CILP2: variants seen among roughly 807,000 people sequenced by gnomAD.
CILP2 encodes the protein CILP-2.
Under a neutral mutation model 45.6 loss-of-function variants are expected in CILP2, and 38 were observed. The ratio of observed to expected loss-of-function variants is 0.83; its 90% CI spans 0.64 to 1.09. The LOEUF (loss-of-function observed/expected upper bound fraction) is 1.09, where lower values mean the gene tolerates loss of function less well. Ranked by LOEUF, CILP2 falls within the 50% of genes least tolerant of loss-of-function variation. The probability of loss-of-function intolerance (pLI) is 0.00; values close to 1 mark genes in which losing one functional copy is unlikely to be tolerated. For missense variants in CILP2, 1,735 were observed against 1,662.2 expected (o/e 1.04, Z -0.76); for synonymous variants, 780 against 723.5 (o/e 1.08, Z -1.25).
chr19:19,539,817 C>T, intron 2 of CILP2, 40 bp downstream of exon 2: 1 of 1,498,986 alleles, frequency 6.7e-7, no homozygotes, highest in Non-Finnish European at 9.0e-7. Context: ...CTGCTGCGGG[C>T]TTGTTGGGGG....
Position 19,545,156 on chromosome 19 carries a change from C to G in CILP2, c.2611C>G (p.Pro871Ala). 1 of 1,612,646 alleles carries G rather than the reference C, an allele frequency of 6.2e-7. No individual in the cohort carries two copies. Among genetic ancestry groups the G allele is most frequent in the South Asian group, 1.1e-5 (1 of 91,066 alleles). The change falls in exon 8 of 8, where the codon CCC becomes GCC. Residue 871 changes from proline (P) to alanine (A), a missense_variant. Coordinates refer to ENST00000291495, the MANE Select transcript of CILP2 (RefSeq NM_153221.2). ...CCTCGCCAAGCCCAGGCCAGGTGAC[C>G]CCGCCGAGGCCAATGGGCCTGTGTA... ...INLAKPRPGDPAEANGPVYPW... is the reference protein window; with the variant it reads ...INLAKPRPGDAAEANGPVYPW...
rs374549449 is a variant in CILP2 at position 19,543,211 on chromosome 19, C to T, written c.978-37C>T. On this transcript the variant is annotated intron_variant, in intron 6 of 7. Coordinates refer to ENST00000291495, the MANE Select transcript of CILP2 (RefSeq NM_153221.2). The stretch of plus-strand genomic sequence containing the variant: ...CAGACTGGGGGCAACACAGCCCCTC[C>T]CACTGAGTCCTATGGTGTCGCTCAC... The T allele has an allele frequency of 3.8e-5, 61 of 1,596,510 alleles. No homozygotes were observed. In the African/African-American group the frequency reaches 7.4e-4, roughly 19 times the overall value.
At chr19:19,540,634 A>T (rs1032378827) in intron 3 of CILP2, 158 bp downstream of exon 3, 2 of 817,476 alleles carry the variant, frequency 2.4e-6, no homozygotes, top group Non-Finnish European at 1.7e-6. Flanking sequence ...GGACGACGTC[A>T]GGGGGCGGGG....
Position 19,543,360 on chromosome 19 carries a change from G to A in CILP2, c.1090G>A (p.Glu364Lys). 1 of 1,613,534 alleles carries A rather than the reference G, an allele frequency of 6.2e-7. No individual in the cohort carries two copies. Among genetic ancestry groups the A allele is most frequent in the South Asian group, 1.1e-5 (1 of 91,086 alleles). Residue 364 changes from glutamate to lysine, a missense_variant, in exon 7 of 8, where the codon GAG becomes AAG. By Grantham distance (56) the Glu-to-Lys change is moderately conservative (BLOSUM62 1). Coordinates refer to ENST00000291495, the MANE Select transcript of CILP2 (RefSeq NM_153221.2). Reference protein sequence around the residue: ...AGIYHCKAWNEAGAVRSGTAR... With the variant: ...AGIYHCKAWNKAGAVRSGTAR... ...CATCTACCACTGCAAGGCATGGAAT[G>A]AGGCGGGTGCCGTGCGCTCGGGCAC...
chr19:19,539,686 C>T lies in CILP2; in HGVS notation c.72C>T (p.Thr24=). 6.3e-7 allele frequency: 1 copy of T among 1,586,872 alleles called. No homozygotes were observed. Among genetic ancestry groups the T allele is most frequent in the Non-Finnish European group, 8.6e-7 (1 of 1,165,150 alleles). ...CCCACTCCTCACCCACAGACGCCAC[C>T]CCCACCGAGGAGCCAATGGCGACTG... is the stretch of plus-strand genomic sequence containing the variant. ...AAHLAGARDA[T]PTEEPMATAL... Residue 24 remains threonine, a synonymous_variant, in exon 2 of 8, where the codon ACC becomes ACT. Transcript: ENST00000291495.
Position 19,544,486 on chromosome 19 carries a change from C to A in CILP2, c.1941C>A (p.Leu647=). The A allele has an allele frequency of 8.7e-6, 14 of 1,605,960 alleles. No homozygotes were observed. The highest frequency in any genetic ancestry group is 1.2e-5 in the Non-Finnish European group (14 of 1,179,022). ...LRTYGMFSVD[L]RAPGSAEQLQ... Reference sequence around the variant, plus strand: ...CCTACGGCATGTTCTCCGTGGACCTCCGTGCGCCCGGCTCCGCGGAGCAGC... The same window carrying A: ...CCTACGGCATGTTCTCCGTGGACCTACGTGCGCCCGGCTCCGCGGAGCAGC... Residue 647 remains leucine, a synonymous_variant, in exon 8 of 8, where the codon CTC becomes CTA. Transcript: ENST00000291495.
Position 19,543,820 on chromosome 19 carries a change from C to T in CILP2, c.1275C>T (p.Gly425=), listed in dbSNP as rs1337670096. Residue 425 remains glycine, a synonymous_variant, in exon 8 of 8, where the codon GGC becomes GGT. Transcript: ENST00000291495. Reference sequence around the variant, plus strand: ...ACACCCGCTGCCCCAGCCTGGCAGGCTCCAGCCCCCGCTGCGGGGACGCCA... The same window carrying T: ...ACACCCGCTGCCCCAGCCTGGCAGGTTCCAGCCCCCGCTGCGGGGACGCCA... The part of the protein sequence containing the change: ...CPDTRCPSLA[G]SSPRCGDASS... The T allele has an allele frequency of 6.2e-7, 1 of 1,613,784 alleles. No individual in the cohort carries two copies. The highest frequency in any genetic ancestry group is 2.2e-5 in the East Asian group (1 of 44,868).
At position 19,546,097 on chromosome 19, in the gene CILP2, C is replaced by G. The variant is rs1465427289; in HGVS notation, c.*81C>G. On this transcript the variant is annotated 3_prime_UTR_variant, in exon 8 of 8. Coordinates refer to ENST00000291495, the MANE Select transcript of CILP2 (RefSeq NM_153221.2). The stretch of plus-strand genomic sequence containing the variant: ...GTTTTGCCCCTCCTTCTTCTCCAGA[C>G]AGCCCCCTCCCCAGGTGTCTGGGTC... 3.3e-6 allele frequency: 4 copies of G among 1,210,080 alleles called. No homozygotes were observed. Among genetic ancestry groups the G allele is most frequent in the Non-Finnish European group, 3.2e-6 (3 of 924,072 alleles). The allele number at this position is 1,210,080 out of a possible 1,614,324, so 75.0% of individuals were successfully genotyped here.
chr19:19,542,383 C>G lies in CILP2; in HGVS notation c.601C>G (p.Leu201Val). 6.2e-7 allele frequency: 1 copy of G among 1,611,244 alleles called. No homozygotes were observed. Among genetic ancestry groups the G allele is most frequent in the Non-Finnish European group, 8.5e-7 (1 of 1,179,298 alleles). The change falls in exon 5 of 8, where the codon CTT becomes GTT. Residue 201 changes from leucine to valine, a missense_variant. Physicochemically the swap from Leu to Val is conservative, Grantham distance 32 (BLOSUM62 1). Coordinates refer to ENST00000291495, the MANE Select transcript of CILP2 (RefSeq NM_153221.2). ...TCTCCATATCCCCCCAGGGTGCAGC[C>G]TTGACACCTGTGAATGCCCGGACCA... ...CVRPRCPGCS[L>V]DTCECPDHIL... is the part of the protein sequence containing the mutation.
At chr19:19,542,236 G>A (rs2061247042) in intron 4 of CILP2, 139 bp from the exon 5 acceptor site, 1 of 851,920 alleles carries the variant, frequency 1.2e-6, no homozygotes, top group East Asian at 2.7e-5. Context: ...GCTCCAAGCA[G>A]GGCCATGCTG....
Position 19,544,971 on chromosome 19 carries a change from T to C in CILP2, c.2426T>C (p.Val809Ala). Residue 809 changes from valine (V) to alanine (A), a missense_variant, in exon 8 of 8, where the codon GTC becomes GCC. Physicochemically the swap from Val to Ala is moderately conservative, Grantham distance 64. Transcript: ENST00000291495. ...ADRPDAYTAL[V>A]TATLGGEELE... is the part of the protein sequence containing the mutation. ...AGGCCAGACGCCTACACCGCCCTGGTCACCGCCACCCTGGGCGGCGAGGAG... is the reference window on the plus strand; with the variant it reads ...AGGCCAGACGCCTACACCGCCCTGGCCACCGCCACCCTGGGCGGCGAGGAG... The C allele has an allele frequency of 2.5e-6, 4 of 1,597,330 alleles. No individual in the cohort carries two copies. Among genetic ancestry groups the C allele is most frequent in the Non-Finnish European group, 3.4e-6 (4 of 1,178,150 alleles).
Position 19,544,958 on chromosome 19 carries a change from T to C in CILP2, c.2413T>C (p.Tyr805His). The C allele has an allele frequency of 6.3e-7, 1 of 1,596,882 alleles. No individual in the cohort carries two copies. The highest frequency in any genetic ancestry group is 8.5e-7 in the Non-Finnish European group (1 of 1,178,188). Residue 805 changes from tyrosine (Y) to histidine (H), a missense_variant, in exon 8 of 8, where the codon TAC (tyrosine) becomes CAC (histidine). Coordinates refer to ENST00000291495, the MANE Select transcript of CILP2 (RefSeq NM_153221.2). ...AFCDADRPDA[Y>H]TALVTATLGG... ...CTGCGACGCCGACAGGCCAGACGCCTACACCGCCCTGGTCACCGCCACCCT... is the reference window on the plus strand; with the variant it reads ...CTGCGACGCCGACAGGCCAGACGCCCACACCGCCCTGGTCACCGCCACCCT...
rs775255828 is a variant in CILP2, at chr19:19,544,407, C to T, written c.1862C>T (p.Ala621Val). The T allele has an allele frequency of 3.7e-6, 6 of 1,610,272 alleles. No homozygotes were observed. The South Asian group carries it at 5.5e-5, about 15-fold the overall frequency. ...CGAGACCTCACCTCGGCGGCGTCTG[C>T]CCCCAGTGACCTGCGCTTCGTGGAC... ...DPRDLTSAAS[A>V]PSDLRFVDSD... The change falls in exon 8 of 8, where the codon GCC becomes GTC. Residue 621 changes from alanine to valine, a missense_variant. Physicochemically the swap from Ala to Val is moderately conservative, Grantham distance 64. Coordinates refer to ENST00000291495, the MANE Select transcript of CILP2 (RefSeq NM_153221.2).
chr19:19,545,585 C>A lies in CILP2; in HGVS notation c.3040C>A (p.Pro1014Thr). The change falls in exon 8 of 8, where the codon CCC (proline) becomes ACC (threonine). Residue 1014 changes from proline to threonine, a missense_variant. Physicochemically the swap from Pro to Thr is conservative, Grantham distance 38. Coordinates refer to ENST00000291495, the MANE Select transcript of CILP2 (RefSeq NM_153221.2). ...QVDRTLVTIM[P>T]QGSCRRVAVN... Reference sequence around the variant, plus strand: ...GGACAGGACGCTGGTGACCATTATGCCCCAGGGCAGCTGCCGGCGCGTGGC... The same window carrying A: ...GGACAGGACGCTGGTGACCATTATGACCCAGGGCAGCTGCCGGCGCGTGGC... 1.9e-6 allele frequency: 3 copies of A among 1,609,952 alleles called. No homozygotes were observed. Among genetic ancestry groups the A allele is most frequent in the Non-Finnish European group, 2.5e-6 (3 of 1,178,334 alleles).
rs566930562 is a variant in CILP2, at chr19:19,545,933, C to T, written c.3388C>T (p.Arg1130Cys). The T allele has an allele frequency of 4.4e-5, 70 of 1,575,058 alleles. No homozygotes were observed. The highest frequency in any genetic ancestry group is 3.4e-4 in the Middle Eastern group (2 of 5,860). The change falls in exon 8 of 8, where the codon CGC (arginine) becomes TGC (cysteine). Residue 1130 changes from arginine (R) to cysteine (C), a missense_variant. Physicochemically the swap from Arg to Cys is radical, Grantham distance 180. Transcript: ENST00000291495. ...ESPATALGDI[R>C]REMSEAAQAQ... ...CCCGGCGACAGCACTTGGTGACATC[C>T]GCAGGGAGATGAGCGAGGCGGCGCA...
At position 19,541,165 on chromosome 19, in the gene CILP2, C is replaced by A. The variant is rs759510220; in HGVS notation, c.511C>A (p.Arg171Ser). The part of the protein sequence containing the change: ...SCGPGRRLRR[R>S]HCPSPAGDAC... ...TGGGCCAGGCCGTCGCTTGCGCCGC[C>A]GCCACTGCCCAAGCCCCGCTGGGGA... Residue 171 changes from arginine (R) to serine (S), a missense_variant, in exon 4 of 8, where the codon CGC (arginine) becomes AGC (serine). Arg to Ser is a moderately radical substitution (Grantham distance 110, BLOSUM62 -1). Coordinates refer to ENST00000291495, the MANE Select transcript of CILP2 (RefSeq NM_153221.2). The A allele has an allele frequency of 1.6e-6, 2 of 1,260,246 alleles. No individual in the cohort carries two copies. Among genetic ancestry groups the A allele is most frequent in the Non-Finnish European group, 2.0e-6 (2 of 1,001,926 alleles). The allele number at this position is 1,260,246 out of a possible 1,614,324, so 78.1% of individuals were successfully genotyped here.
chr19:19,541,851 G>T (rs571022969), intron 4 of CILP2, among the ~76,000 whole-genome samples: 8 of 152,350 alleles, frequency 5.3e-5, no homozygotes, highest in Non-Finnish European at 1.0e-4. Flanking sequence ...CGGCCTGGAG[G>T]CTGCTCCGGG....
In CILP2 at chr19:19,546,000, G is replaced by A. The variant is rs1367517065; in HGVS notation, c.3455G>A (p.Gly1152Asp). Residue 1152 changes from glycine (G) to aspartate (D), a missense_variant, in exon 8 of 8, where the codon GGT becomes GAT. Gly to Asp is a moderately conservative substitution (Grantham distance 94). Transcript: ENST00000291495. ...TCAGGTCCCCTCCGCACCCGCCGGGGTAGGGTCCGGCAGTGACCTGGGCAG... is the reference window on the plus strand; with the variant it reads ...TCAGGTCCCCTCCGCACCCGCCGGGATAGGGTCCGGCAGTGACCTGGGCAG... Reference protein sequence around the residue: ...RASGPLRTRRGRVRQ With the variant: ...RASGPLRTRRDRVRQ 1 of 1,493,490 alleles carries A rather than the reference G, an allele frequency of 6.7e-7. No homozygotes were observed. Among genetic ancestry groups the A allele is most frequent in the East Asian group, 2.3e-5 (1 of 42,882 alleles). The allele number at this position is 1,493,490 out of a possible 1,614,324, so 92.5% of individuals were successfully genotyped here.
chr19:19,540,307 G>T lies in CILP2; in HGVS notation c.267G>T (p.Val89=). 1 of 1,587,116 alleles carries T rather than the reference G, an allele frequency of 6.3e-7. No individual in the cohort carries two copies. ...AIRFYYGPAR[V]CPRPLALEAR... ...GCTTCTACTACGGGCCAGCGCGCGTGTGCCCGCGACCGCTGGCGCTGGAAG... is the reference window on the plus strand; with the variant it reads ...GCTTCTACTACGGGCCAGCGCGCGTTTGCCCGCGACCGCTGGCGCTGGAAG... The change falls in exon 3 of 8, where the codon GTG becomes GTT. Residue 89 remains valine, a synonymous_variant. Transcript: ENST00000291495.
Sources: allele counts gnomAD v4.1 joint callset (sites outside exome capture counted in the v4.1 genomes callset), GRCh38; gene constraint gnomAD v4.1.1; transcripts MANE v1.5; gene names NCBI Gene and HGNC (gene_info 2026-07-23, HGNC 2026-07-21).